GPR84: variants seen among roughly 807,000 people sequenced by gnomAD.
GPR84 encodes G protein-coupled receptor 84, also known as G-protein coupled receptor 84.
GPR84 carries 8 observed loss-of-function variants against 14.9 expected under a neutral mutation model. The ratio of observed to expected loss-of-function variants is 0.54; its 90% CI spans 0.31 to 0.97. The LOEUF (loss-of-function observed/expected upper bound fraction) is 0.97, where lower values mean the gene tolerates loss of function less well. GPR84 is among the 50% of genes least tolerant of loss of function. The pLI is 0.04. For missense variants in GPR84, 424 were observed against 498.7 expected, an observed-to-expected ratio of 0.85 and a Z score of 1.43; for synonymous variants, 164 against 198.1, an observed-to-expected ratio of 0.83 and a Z score of 1.45.
At chr12:54,356,919 AG>A in the GPR84 span, among the ~76,000 whole-genome samples, 1 of 152,262 alleles carries the variant, frequency 6.6e-6, no homozygotes, top group African/African-American at 2.4e-5. Context: ...AATTGGGTGG[AG>A]GGGGGTGGTG....
chr12:54,363,917 A>C, intron 1 of GPR84, 58 bp from the exon 2 acceptor site: 1 of 1,194,910 alleles, frequency 8.4e-7, no homozygotes. Context: ...TTCAACTTAG[A>C]TCTCTTGAAC....
chr12:54,364,353 A>G (rs999679689), intron 1 of GPR84, 40 bp downstream of exon 1: 1 of 152,512 alleles, frequency 6.6e-6, no homozygotes, highest in African/African-American at 2.4e-5. Context: ...AGATGAGGAG[A>G]CCAAGAAGGT....
the GPR84 span, among the ~76,000 whole-genome samples, chr12:54,356,327 C>A: frequency 6.6e-6 from 1 of 152,200 alleles, no homozygotes; most frequent in East Asian, 1.9e-4. Context: ...AGATCCCCAA[C>A]TCCCTCCTGA....
At chr12:54,359,243 T>C (rs1213856727), downstream of GPR84, among the ~76,000 whole-genome samples, 1 of 152,092 alleles carries the variant, frequency 6.6e-6, no homozygotes, top group Non-Finnish European at 1.5e-5. Flanking sequence ...TGGCCAATGG[T>C]AGAGTGACTC....
chr12:54,351,457 C>T, the GPR84 span: 3 of 152,300 alleles, frequency 2.0e-5, no homozygotes, highest in African/African-American at 4.8e-5. Context: ...GGTCTGCAGT[C>T]GCTGCAACCT....
At chr12:54,359,498 G>A (rs1592217583), downstream of GPR84, among the ~76,000 whole-genome samples, 1 of 152,192 alleles carries the variant, frequency 6.6e-6, no homozygotes, top group East Asian at 1.9e-4. Context: ...AGAGGTACAG[G>A]AGATGAAGAC....
downstream of GPR84, among the ~76,000 whole-genome samples, chr12:54,361,226 G>A (rs1954264931): frequency 6.6e-6 from 1 of 151,858 alleles, no homozygotes; most frequent in South Asian, 2.1e-4. The surrounding 1 kb of genome is among the most constrained non-coding windows in gnomAD (Gnocchi z 4.3). Flanking sequence ...CAGCCACCCA[G>A]GCCGGAGTGC....
At chr12:54,350,843 T>G in the GPR84 span, 1 of 389,924 alleles carries the variant, frequency 2.6e-6, no homozygotes, top group Non-Finnish European at 4.8e-6. Context: ...TGCCCTTTGC[T>G]GTAGCTACAC....
downstream of GPR84, among the ~76,000 whole-genome samples, chr12:54,361,042 C>T (rs1954263418): frequency 1.3e-5 from 2 of 152,148 alleles, no homozygotes; most frequent in Admixed American, 1.3e-4. This position sits in a 1 kb window ranked among gnomAD's most constrained non-coding sequence, Gnocchi z 4.3. Context: ...ACCTGGTGGC[C>T]ACAGGTGCTT....
In GPR84 at chr12:54,362,980, G is replaced by GGGCT; in HGVS notation, c.868_871dup (p.Pro291GlnfsTer13). 6.2e-7 allele frequency: 1 copy of GGGCT among 1,614,212 alleles called. No homozygotes were observed. The highest frequency in any genetic ancestry group is 1.1e-5 in the South Asian group (1 of 91,084). ...CTGGGCTTTGGCAGATGCTTCTGGA[G>GGGCT]GGCTTTTCTCTGCCATCTGCTTAGC... On this transcript the variant is annotated frameshift_variant, in exon 2 of 2. Coordinates refer to ENST00000267015, the MANE Select transcript of GPR84 (RefSeq NM_020370.3). LOFTEE classifies it high-confidence loss of function. The surrounding 1 kb of genome is among the most constrained non-coding windows in gnomAD (Gnocchi z 4.0).
downstream of GPR84, among the ~76,000 whole-genome samples, chr12:54,361,757 C>G (rs987116825): frequency 5.9e-5 from 9 of 152,240 alleles, no homozygotes; most frequent in Non-Finnish European, 1.3e-4. The surrounding 1 kb of genome is among the most constrained non-coding windows in gnomAD (Gnocchi z 4.3). Context: ...ATCTGCCCAC[C>G]TCCGCCTCCC....
In GPR84 at chr12:54,363,863, A is replaced by T. The variant is rs1954300577; in HGVS notation, c.-8-4T>A. ...GAGCTGTTCCACATGATAGAGGCTA[A>T]AGAGGCAGAGGGTGGAAGAGGAAGA... On this transcript the variant is annotated splice_region_variant and splice_polypyrimidine_tract_variant and intron_variant, in intron 1 of 1. Transcript: ENST00000267015. 1 of 1,556,620 alleles carries T rather than the reference A, an allele frequency of 6.4e-7. No individual in the cohort carries two copies. Among genetic ancestry groups the T allele is most frequent in the African/African-American group, 1.4e-5 (1 of 73,852 alleles).
In GPR84 at chr12:54,363,025, T is replaced by G. The variant is rs371449425; in HGVS notation, c.827A>C (p.Asp276Ala). The stretch of plus-strand genomic sequence containing the variant: ...CTTAGCTCTCTTGCTGTTGATCTGG[T>G]CTCCCACTTCTGATGAGTCCCCTTC... ...TLEGDSSEVG[D>A]QINSKRAKQM... The change falls in exon 2 of 2, where the codon GAC (aspartate) becomes GCC (alanine). Residue 276 changes from aspartate (D) to alanine (A), a missense_variant. Physicochemically the swap from Asp to Ala is moderately radical, Grantham distance 126 (BLOSUM62 -2). Transcript: ENST00000267015. 99 of 1,614,024 alleles carry G rather than the reference T, an allele frequency of 6.1e-5. No homozygotes were observed. In the African/African-American group the frequency reaches 1.2e-3, roughly 19 times the overall value.
At position 54,362,852 on chromosome 12, in the gene GPR84, G is replaced by C; in HGVS notation, c.1000C>G (p.Pro334Ala). The C allele has an allele frequency of 6.2e-7, 1 of 1,614,206 alleles. No homozygotes were observed. The stretch of plus-strand genomic sequence containing the variant: ...TCCAGAATGTTGAGCAGCAAGAAGG[G>C]GATGTAGCTCAGGGCAAAGCAGAGG... ...VFLCFALSYIPFLLLNILDAR... is the reference protein window; with the variant it reads ...VFLCFALSYIAFLLLNILDAR... The change falls in exon 2 of 2, where the codon CCC (proline) becomes GCC (alanine). Residue 334 changes from proline to alanine, a missense_variant. Transcript: ENST00000267015. The surrounding 1 kb of genome is among the most constrained non-coding windows in gnomAD (Gnocchi z 4.0).
Position 54,363,107 on chromosome 12 carries a change from C to T in GPR84, c.745G>A (p.Gly249Arg). ...TCAGATGAAATCCCCTCACTGGGTCCTCCTGATGCTAACCTGCTGTCCAGC... is the reference window on the plus strand; with the variant it reads ...TCAGATGAAATCCCCTCACTGGGTCTTCCTGATGCTAACCTGCTGTCCAGC... ...QELDSRLASG[G>R]PSEGISSEPV... The change falls in exon 2 of 2, where the codon GGA becomes AGA. Residue 249 changes from glycine (G) to arginine (R), a missense_variant. Physicochemically the swap from Gly to Arg is moderately radical, Grantham distance 125. Coordinates refer to ENST00000267015, the MANE Select transcript of GPR84 (RefSeq NM_020370.3). 1.9e-6 allele frequency: 3 copies of T among 1,614,228 alleles called. No individual in the cohort carries two copies. Among genetic ancestry groups the T allele is most frequent in the Non-Finnish European group, 1.7e-6 (2 of 1,180,042 alleles).
chr12:54,361,872 G>A (rs2137128994), downstream of GPR84, among the ~76,000 whole-genome samples: 1 of 152,372 alleles, frequency 6.6e-6, no homozygotes, highest in South Asian at 2.1e-4. The surrounding 1 kb of genome is among the most constrained non-coding windows in gnomAD (Gnocchi z 4.3). Context: ...GGACTCAGGT[G>A]AATTAGCCCC....
Position 54,363,030 on chromosome 12 carries a change from C to T in GPR84, c.822G>A (p.Val274=). 1 of 1,614,174 alleles carries T rather than the reference C, an allele frequency of 6.2e-7. No individual in the cohort carries two copies. The highest frequency in any genetic ancestry group is 1.1e-5 in the South Asian group (1 of 91,078). ...TQTLEGDSSE[V]GDQINSKRAK... is the part of the protein sequence containing the mutation. ...CTCTCTTGCTGTTGATCTGGTCTCC[C>T]ACTTCTGATGAGTCCCCTTCCAGGG... The change falls in exon 2 of 2, where the codon GTG becomes GTA. Residue 274 remains valine, a synonymous_variant. Transcript: ENST00000267015.
the GPR84 span, among the ~76,000 whole-genome samples, chr12:54,352,785 T>C: frequency 1.0e-3 from 156 of 152,306 alleles, 1 homozygote; most frequent in South Asian, 9.3e-3. Flanking sequence ...CACCTGTGCA[T>C]GGGATACTCC....
At position 54,362,670 on chromosome 12, in the gene GPR84, C is replaced by G; in HGVS notation, c.1182G>C (p.Arg394Ser). 1 of 1,601,736 alleles carries G rather than the reference C, an allele frequency of 6.2e-7. No homozygotes were observed. The highest frequency in any genetic ancestry group is 8.5e-7 in the Non-Finnish European group (1 of 1,171,414). ...ILKRGPRSFH[R>S]LH The stretch of plus-strand genomic sequence containing the variant: ...GACTAGGGTCACAGTTCTAATGGAG[C>G]CTATGGAAACTCCGGGGCCCTCTTT... Residue 394 changes from arginine to serine, a missense_variant, in exon 2 of 2, where the codon AGG becomes AGC. Arg to Ser is a moderately radical substitution (Grantham distance 110, BLOSUM62 -1). Coordinates refer to ENST00000267015, the MANE Select transcript of GPR84 (RefSeq NM_020370.3). This position sits in a 1 kb window ranked among gnomAD's most constrained non-coding sequence, Gnocchi z 4.0.
Sources: allele counts gnomAD v4.1 joint callset (sites outside exome capture counted in the v4.1 genomes callset), GRCh38; gene constraint gnomAD v4.1.1; non-coding constraint Gnocchi (gnomAD v3.1); transcripts MANE v1.5; gene names NCBI Gene and HGNC (gene_info 2026-07-23, HGNC 2026-07-21).